MICAL3: variants seen among roughly 807,000 people sequenced by gnomAD.
The protein encoded by MICAL3 is [F-actin]-monooxygenase MICAL3.
A neutral mutation model predicts 207.4 loss-of-function variants in MICAL3; 62 were observed. That is an observed-to-expected ratio of 0.30 (90% CI 0.24 to 0.37). The LOEUF (loss-of-function observed/expected upper bound fraction) is 0.37, where lower values mean the gene tolerates loss of function less well. Among genes scored for constraint, MICAL3 ranks in the 10% least tolerant of loss-of-function variants. The probability of loss-of-function intolerance (pLI) is 1.00; values close to 1 mark genes in which losing one functional copy is unlikely to be tolerated. For synonymous variants in MICAL3, 1,077 were observed against 1,069.3 expected (o/e 1.01, Z -0.14); for missense variants, 2,368 against 2,635.6 (o/e 0.90, Z 2.22).
At chr22:17,884,606 T>A (rs1272145813) in intron 16 of MICAL3, among the ~76,000 whole-genome samples, 1 of 152,218 alleles carries the variant, frequency 6.6e-6, no homozygotes, top group African/African-American at 2.4e-5. Context: ...ACGCATCATC[T>A]CTTTTCCAAG....
chr22:17,828,653 T>C (rs1454218170), intron 21 of MICAL3, among the ~76,000 whole-genome samples: 1 of 152,180 alleles, frequency 6.6e-6, no homozygotes, highest in Non-Finnish European at 1.5e-5. Context: ...CAAGGCCTGG[T>C]TTCTCAGCTA....
At chr22:18,000,621 GA>G (rs2146487149) in intron 1 of MICAL3, among the ~76,000 whole-genome samples, 1 of 152,302 alleles carries the variant, frequency 6.6e-6, no homozygotes, top group African/African-American at 2.4e-5. Context: ...GGCTCCTCAA[GA>G]TGGTTTCTTA....
At chr22:17,965,554 GATATAC>G (rs1935108946) in intron 1 of MICAL3, among the ~76,000 whole-genome samples, 1 of 152,174 alleles carries the variant, frequency 6.6e-6, no homozygotes, top group Middle Eastern at 3.2e-3. Context: ...ACTTACTACT[GATATAC>G]TGATTGTCAC....
At chr22:17,872,701 T>A in intron 16 of MICAL3, 1 of 1,160,118 alleles carries the variant, frequency 8.6e-7, no homozygotes, top group Non-Finnish European at 1.3e-6. Context: ...GTGTTTCCCA[T>A]GGCTGTGCTG....
In MICAL3 at chr22:17,790,726, G is replaced by A; in HGVS notation, c.*6C>T. On this transcript the variant is annotated 3_prime_UTR_variant, in exon 32 of 32. Coordinates refer to ENST00000441493, the MANE Select transcript of MICAL3 (RefSeq NM_015241.3). ...GCCAACAGAAAATGGAGCGTTGGGTGGGAGCTCAGGACCAGTTAAGGCTGA... is the reference window on the plus strand; with the variant it reads ...GCCAACAGAAAATGGAGCGTTGGGTAGGAGCTCAGGACCAGTTAAGGCTGA... 1 of 1,587,086 alleles carries A rather than the reference G, an allele frequency of 6.3e-7. No homozygotes were observed. Among genetic ancestry groups the A allele is most frequent in the Non-Finnish European group, 8.6e-7 (1 of 1,165,988 alleles).
chr22:17,970,414 C>T (rs992700889), intron 1 of MICAL3, among the ~76,000 whole-genome samples: 6 of 152,166 alleles, frequency 3.9e-5, no homozygotes, highest in African/African-American at 1.2e-4. Flanking sequence ...AGAGGATCTT[C>T]GTGATCTGCC....
chr22:18,001,717 C>A (rs1277078197), intron 1 of MICAL3, among the ~76,000 whole-genome samples: 4 of 152,268 alleles, frequency 2.6e-5, no homozygotes, highest in African/African-American at 7.2e-5. Context: ...GCTGTCGCCA[C>A]GCCCTTCGTC....
Position 17,946,271 on chromosome 22 carries a change from G to A in MICAL3, c.-74-39385C>T, listed in dbSNP as rs530962545. ...GGGGTGGGCAGGCACCCCTACTTCC[G>A]AAAAGAACAAAAAGAGAACAAAAGC... On this transcript the variant is annotated intron_variant, in intron 1 of 31. Transcript: ENST00000441493. 2.0e-3 allele frequency among the ~76,000 whole-genome samples: 308 copies of A among 152,198 alleles called. 1 individual carries two copies. Among genetic ancestry groups the A allele is most frequent in the Non-Finnish European group, 3.8e-3 (258 of 68,000 alleles).
chr22:17,843,658 C>T (rs555708000), intron 19 of MICAL3, among the ~76,000 whole-genome samples: 25 of 152,234 alleles, frequency 1.6e-4, no homozygotes, highest in Non-Finnish European at 3.4e-4. Context: ...TCCTCTTCCA[C>T]TTAACGCCTG....
rs1930592739 is a variant in MICAL3 at position 17,893,812 on chromosome 22, G to A, written c.1542C>T (p.Arg514=). Reference sequence around the variant, plus strand: ...AAAGCCACCACCAGAACTCACCATTGCGAGTCAATTTGGGGGTGGTTCGGG... The same window carrying A: ...AAAGCCACCACCAGAACTCACCATTACGAGTCAATTTGGGGGTGGTTCGGG... The part of the protein sequence containing the change: ...VNSRTTPKLT[R]NESVARSSKL... The change falls in exon 11 of 32, where the codon CGC becomes CGT. Residue 514 remains arginine, a synonymous_variant. Coordinates refer to ENST00000441493, the MANE Select transcript of MICAL3 (RefSeq NM_015241.3). 2 of 1,568,638 alleles carry A rather than the reference G, an allele frequency of 1.3e-6. No individual in the cohort carries two copies. Among genetic ancestry groups the A allele is most frequent in the Admixed American group, 1.8e-5 (1 of 54,116 alleles).
chr22:17,846,669 C>G (rs925820591), intron 19 of MICAL3, among the ~76,000 whole-genome samples: 1 of 152,236 alleles, frequency 6.6e-6, no homozygotes, highest in Non-Finnish European at 1.5e-5. Flanking sequence ...CCCCGCCTGT[C>G]GGGCTAGCTG....
Position 17,817,329 on chromosome 22 carries a change from G to C in MICAL3, c.5332C>G (p.Leu1778Val). 1.2e-6 allele frequency: 2 copies of C among 1,603,818 alleles called. No individual in the cohort carries two copies. Among genetic ancestry groups the C allele is most frequent in the Non-Finnish European group, 8.5e-7 (1 of 1,175,626 alleles). ...GACGCACCTGCCCTTACGACGGGAA[G>C]CACCCTGTGCTTTCCAGAGTCCACC... Reference protein sequence around the residue: ...ATVDSGKHRVLPVVRAELQLR... With the variant: ...ATVDSGKHRVVPVVRAELQLR... Residue 1778 changes from leucine to valine, a missense_variant, in exon 26 of 32, where the codon CTT (leucine) becomes GTT (valine). Physicochemically the swap from Leu to Val is conservative, Grantham distance 32. Transcript: ENST00000441493.
At chr22:17,855,867 CCT>C (rs1411225137) in intron 19 of MICAL3, among the ~76,000 whole-genome samples, 1 of 152,258 alleles carries the variant, frequency 6.6e-6, no homozygotes, top group Non-Finnish European at 1.5e-5. Flanking sequence ...AGGGTTCTTG[CCT>C]CTCGCCCACG....
chr22:17,866,105 C>G (rs1406613891), intron 17 of MICAL3, 93 bp from the exon 18 acceptor site: 1 of 959,620 alleles, frequency 1.0e-6, no homozygotes, highest in Non-Finnish European at 1.7e-6. Flanking sequence ...TCCATCTCCT[C>G]CAGCCTCACA....
chr22:17,961,261 C>G (rs1471679782), intron 1 of MICAL3, among the ~76,000 whole-genome samples: 2 of 152,132 alleles, frequency 1.3e-5, no homozygotes, highest in Non-Finnish European at 2.9e-5. Flanking sequence ...GAAAGAAATG[C>G]AAAGATTTCT....
Position 17,952,679 on chromosome 22 carries a change from GGAGAGGTCCACACAGGCGGGGCGTCA to G in MICAL3, c.-74-45819_-74-45794del, listed in dbSNP as rs376837158. Reference sequence around the variant, plus strand: ...AAGGCCTGCTGCCAAGGCAGGGGGTGGAGAGGTCCACACAGGCGGGGCGTCAGAGAGGCCACTGAGTGCAACCCAGG... The same window carrying G: ...AAGGCCTGCTGCCAAGGCAGGGGGTGGAGAGGCCACTGAGTGCAACCCAGG... On this transcript the variant is annotated intron_variant, in intron 1 of 31. Transcript: ENST00000441493. Among the ~76,000 whole-genome samples the G allele has an allele frequency of 8.4e-3, 1,287 of 152,324 alleles. 15 individuals are homozygous for G. The highest frequency in any genetic ancestry group is 0.029 in the African/African-American group (1,202 of 41,574).
intron 28 of MICAL3, among the ~76,000 whole-genome samples, chr22:17,810,229 AT>A (rs553172081): frequency 6.6e-6 from 1 of 151,488 alleles, no homozygotes; most frequent in Non-Finnish European, 1.5e-5. Flanking sequence ...CGCCTGGCTA[AT>A]TTTTTGTATT....
At chr22:17,866,608 C>CAAAATAGAAT (rs1556037400) in intron 17 of MICAL3, among the ~76,000 whole-genome samples, 3 of 123,200 alleles carry the variant, frequency 2.4e-5, no homozygotes, top group African/African-American at 9.9e-5. Flanking sequence ...CAGCATAGAA[C>CAAAATAGAAT]AGAACAGAAT....
chr22:18,014,795 C>T (rs1923950334), intron 1 of MICAL3, among the ~76,000 whole-genome samples: 1 of 151,968 alleles, frequency 6.6e-6, no homozygotes, highest in Non-Finnish European at 1.5e-5. Context: ...AGATCGAGAC[C>T]ATCCTAGCTA....
Sources: allele counts gnomAD v4.1 joint callset (sites outside exome capture counted in the v4.1 genomes callset), GRCh38; gene constraint gnomAD v4.1.1; transcripts MANE v1.5; gene names NCBI Gene and HGNC (gene_info 2026-07-23, HGNC 2026-07-21).